Variants in TENM4 observed in about 807,000 individuals in gnomAD.
TENM4 encodes teneurin-4.
A neutral mutation model predicts 243.3 loss-of-function variants in TENM4; 82 were observed. That is an observed-to-expected ratio of 0.34 (90% CI 0.28 to 0.40). The LOEUF (loss-of-function observed/expected upper bound fraction) is 0.40, where lower values mean the gene tolerates loss of function less well. Among genes scored for constraint, TENM4 ranks in the 10% least tolerant of loss-of-function variants. The pLI is 1.00. For synonymous variants in TENM4, 1,412 were observed against 1,456.3 expected (o/e 0.97, Z 0.69); for missense variants, 3,138 against 3,673.3 (o/e 0.85, Z 3.77).
At chr11:79,088,153 G>A (rs995156051) in intron 4 of TENM4, among the ~76,000 whole-genome samples, 2 of 152,202 alleles carry the variant, frequency 1.3e-5, no homozygotes, top group African/African-American at 4.8e-5. Flanking sequence ...AATCTCAGTT[G>A]TGAAATGTAC....
In TENM4 at chr11:79,192,846, AT is replaced by A. The variant is rs1213156844; in HGVS notation, c.-163+22961del. On this transcript the variant is annotated intron_variant, in intron 3 of 33. Coordinates refer to ENST00000278550, the MANE Select transcript of TENM4 (RefSeq NM_001098816.3). ...AGTTTTCAAGAATAACCTAGACGAT[AT>A]GATTATTTTCCCTACAGGGATTGTG... Among the ~76,000 whole-genome samples the A allele has an allele frequency of 4.6e-5, 7 of 152,312 alleles. No individual in the cohort carries two copies. In the East Asian group the frequency reaches 1.2e-3, roughly 25 times the overall value.
chr11:79,430,339 C>A (rs761737153), intron 1 of TENM4, among the ~76,000 whole-genome samples: 7 of 152,120 alleles, frequency 4.6e-5, no homozygotes, highest in Non-Finnish European at 8.8e-5. Context: ...AATACAATGG[C>A]CCAGATGGGA....
intron 15 of TENM4, among the ~76,000 whole-genome samples, chr11:78,794,336 A>G (rs1857119594): frequency 6.6e-6 from 1 of 152,176 alleles, no homozygotes; most frequent in Admixed American, 6.5e-5. Flanking sequence ...GATCAGACAG[A>G]GTCATGTGGG....
chr11:79,393,318 C>G (rs181251822), intron 1 of TENM4, among the ~76,000 whole-genome samples: 21 of 143,514 alleles, frequency 1.5e-4, no homozygotes, highest in Admixed American at 1.3e-3. Flanking sequence ...AAGCGATATT[C>G]AAACTCAGCT....
At chr11:78,902,718 G>C (rs542203493) in intron 7 of TENM4, among the ~76,000 whole-genome samples, 1 of 152,246 alleles carries the variant, frequency 6.6e-6, no homozygotes, top group Non-Finnish European at 1.5e-5. Flanking sequence ...CATGCTAGGG[G>C]TTATTAGGGC....
chr11:79,250,784 T>C (rs1377726265), intron 2 of TENM4, among the ~76,000 whole-genome samples: 2 of 152,226 alleles, frequency 1.3e-5, no homozygotes, highest in African/African-American at 4.8e-5. Flanking sequence ...AGACAACAAC[T>C]TGCTAGGCGA....
At chr11:79,109,553 G>A (rs1004830238) in intron 4 of TENM4, among the ~76,000 whole-genome samples, 3 of 152,200 alleles carry the variant, frequency 2.0e-5, no homozygotes, top group Non-Finnish European at 4.4e-5. Flanking sequence ...TTGGAGCCAG[G>A]CAGGCAGGCC....
chr11:78,946,813 G>A (rs1184302967), intron 6 of TENM4, among the ~76,000 whole-genome samples: 2 of 152,172 alleles, frequency 1.3e-5, no homozygotes, highest in African/African-American at 4.8e-5. Context: ...AGGTGTGTTG[G>A]TAGTAGCAAG....
At chr11:79,096,086 A>G (rs1861069102) in intron 4 of TENM4, 2 of 152,216 alleles carry the variant, frequency 1.3e-5, no homozygotes, top group Non-Finnish European at 2.9e-5. Flanking sequence ...CTGGATTCCA[A>G]TGCTGCTTCT....
intron 26 of TENM4, 102 bp from the exon 27 acceptor site, chr11:78,708,617 T>C (rs1590956436): frequency 1.4e-6 from 2 of 1,397,984 alleles, no homozygotes; most frequent in East Asian, 5.0e-5. Context: ...CTCTACATGA[T>C]TGGGTTTGAG....
intron 18 of TENM4, 144 bp from the exon 19 acceptor site, chr11:78,757,165 G>T: frequency 1.2e-6 from 1 of 814,882 alleles, no homozygotes; most frequent in South Asian, 1.8e-5. Flanking sequence ...TCTTTGCTGG[G>T]CACCAAACAG....
chr11:78,720,337 G>A, intron 25 of TENM4, 33 bp downstream of exon 25: 1 of 1,613,216 alleles, frequency 6.2e-7, no homozygotes, highest in Non-Finnish European at 8.5e-7. Context: ...CAAGGCAGGG[G>A]TGAGGCAGGA....
intron 1 of TENM4, among the ~76,000 whole-genome samples, chr11:79,429,471 G>A (rs962054680): frequency 3.9e-5 from 6 of 151,984 alleles, no homozygotes; most frequent in Admixed American, 1.3e-4. Context: ...CATTCACATA[G>A]ACAGTGATTA....
At chr11:78,766,154 C>T (rs1856535987) in intron 18 of TENM4, among the ~76,000 whole-genome samples, 1 of 152,182 alleles carries the variant, frequency 6.6e-6, no homozygotes, top group Admixed American at 6.5e-5. Flanking sequence ...CAAGGTCACA[C>T]AGTGAGCAAA....
intron 12 of TENM4, among the ~76,000 whole-genome samples, chr11:78,853,046 C>T (rs1007397162): frequency 6.6e-6 from 1 of 151,546 alleles, no homozygotes; most frequent in African/African-American, 2.4e-5. Context: ...AGCCACCACA[C>T]CTAGCCTGGA....
intron 4 of TENM4, among the ~76,000 whole-genome samples, chr11:79,130,811 A>G (rs545966965): frequency 6.6e-6 from 1 of 152,322 alleles, no homozygotes; most frequent in Admixed American, 6.5e-5. Context: ...CAACAGAGTG[A>G]GACTCCATCT....
intron 6 of TENM4, among the ~76,000 whole-genome samples, chr11:79,023,422 C>T (rs1201609333): frequency 2.0e-5 from 3 of 151,976 alleles, no homozygotes; most frequent in South Asian, 2.1e-4. Flanking sequence ...ATTAGCCGGG[C>T]GCAGTGGTGT....
intron 7 of TENM4, among the ~76,000 whole-genome samples, chr11:78,903,042 A>T (rs753510195): frequency 5.9e-5 from 9 of 152,154 alleles, no homozygotes; most frequent in Non-Finnish European, 1.0e-4. Flanking sequence ...AACTTGGCCA[A>T]GGTCACACCT....
chr11:79,084,870 A>T, intron 4 of TENM4, among the ~76,000 whole-genome samples: 1 of 152,220 alleles, frequency 6.6e-6, no homozygotes, highest in East Asian at 1.9e-4. Flanking sequence ...ACACTCATTC[A>T]GATAAATGCA....
Sources: allele counts gnomAD v4.1 joint callset (sites outside exome capture counted in the v4.1 genomes callset), GRCh38; gene constraint gnomAD v4.1.1; transcripts MANE v1.5; gene names NCBI Gene and HGNC (gene_info 2026-07-23, HGNC 2026-07-21).